Variants in MED13L observed in about 807,000 individuals in gnomAD.
MED13L encodes mediator complex subunit 13L.
Under a neutral mutation model 220.9 loss-of-function variants are expected in MED13L, and 7 were observed. That is an observed-to-expected ratio of 0.03 (90% confidence interval 0.02 to 0.06). The LOEUF is 0.06. Among genes scored for constraint, MED13L ranks in the 10% least tolerant of loss-of-function variants. The probability of loss-of-function intolerance (pLI) is 1.00; values close to 1 mark genes in which losing one functional copy is unlikely to be tolerated. For synonymous variants in MED13L, 1,011 were observed against 1,015.2 expected, an observed-to-expected ratio of 1.00 and a Z score of 0.08; for missense variants, 1,965 against 2,760.5, an observed-to-expected ratio of 0.71 and a Z score of 6.46.
chr12:116,024,293 G>T (rs1880239098), intron 4 of MED13L, among the ~76,000 whole-genome samples: 1 of 152,108 alleles, frequency 6.6e-6, no homozygotes, highest in Non-Finnish European at 1.5e-5. Context: ...GCAAGAGACT[G>T]ATATGAAAAC....
intron 2 of MED13L, among the ~76,000 whole-genome samples, chr12:116,154,677 T>C (rs915869906): frequency 1.9e-4 from 29 of 152,302 alleles, no homozygotes; most frequent in African/African-American, 5.8e-4. Context: ...AGTACCAACA[T>C]AGCATAAAAG....
intron 2 of MED13L, among the ~76,000 whole-genome samples, chr12:116,132,718 G>C (rs575432357): frequency 6.6e-6 from 1 of 152,062 alleles, no homozygotes; most frequent in Non-Finnish European, 1.5e-5. Flanking sequence ...TCAGGAGTTC[G>C]AGACCAGACT....
chr12:116,135,155 C>A (rs774558053), intron 2 of MED13L, among the ~76,000 whole-genome samples: 1 of 152,084 alleles, frequency 6.6e-6, no homozygotes. Context: ...GGCAACAGAG[C>A]GAGACCCCGT....
At chr12:116,075,910 ATTTTT>A (rs774757433) in intron 4 of MED13L, among the ~76,000 whole-genome samples, 12 of 134,238 alleles carry the variant, frequency 8.9e-5, no homozygotes, top group African/African-American at 2.0e-4. Flanking sequence ...GAGCCAGAAG[ATTTTT>A]TTTTTTTTTT....
rs538515716 is a variant in MED13L, at chr12:116,064,361, C to T, written c.479+32308G>A. ...CTGTACATACTCAGACTTAGCCAAC[C>T]GAGTATGTACAGACGTACTTTTTAA... On this transcript the variant is annotated intron_variant, in intron 4 of 30. Transcript: ENST00000281928. 1.6e-4 allele frequency among the ~76,000 whole-genome samples: 25 copies of T among 152,126 alleles called. No individual in the cohort carries two copies. In the South Asian group the frequency reaches 2.5e-3, roughly 15 times the overall value.
At chr12:116,195,425 G>C (rs533714850) in intron 2 of MED13L, among the ~76,000 whole-genome samples, 6 of 152,208 alleles carry the variant, frequency 3.9e-5, no homozygotes, top group African/African-American at 1.4e-4. Context: ...AAACAAAATA[G>C]AAACAGAAAA....
intron 2 of MED13L, among the ~76,000 whole-genome samples, chr12:116,168,533 T>C (rs1006493139): frequency 1.4e-4 from 22 of 152,194 alleles, no homozygotes; most frequent in African/African-American, 4.8e-4. Context: ...TTCTGACTCC[T>C]AGCTTAGCTT....
intron 2 of MED13L, among the ~76,000 whole-genome samples, chr12:116,209,255 G>C (rs543284288): frequency 9.9e-5 from 15 of 152,274 alleles, no homozygotes; most frequent in African/African-American, 3.1e-4. Context: ...GTACATTATA[G>C]AGACAGCTAG....
chr12:116,208,716 A>C (rs1333364495), intron 2 of MED13L, among the ~76,000 whole-genome samples: 1 of 152,254 alleles, frequency 6.6e-6, no homozygotes, highest in Non-Finnish European at 1.5e-5. Context: ...CTATAATCCC[A>C]ACACTTTGGG....
rs779677849 is a variant in MED13L at position 116,008,834 on chromosome 12, TATC to T, written c.1576_1578del (p.Asp526del). ...TTTCTGGAAGGCACGGCCATTTGCT[TATC>T]ATATTTCCTACTGCTAGACACCTCT... On this transcript the variant is annotated inframe_deletion, in exon 10 of 31. Coordinates refer to ENST00000281928, the MANE Select transcript of MED13L (RefSeq NM_015335.5). 15 of 1,613,938 alleles carry T rather than the reference TATC, an allele frequency of 9.3e-6. No individual in the cohort carries two copies. In the South Asian group the frequency reaches 1.5e-4, roughly 17 times the overall value.
intron 28 of MED13L, among the ~76,000 whole-genome samples, chr12:115,967,044 G>A (rs942928934): frequency 7.9e-5 from 12 of 151,716 alleles, no homozygotes; most frequent in Non-Finnish European, 1.3e-4. Context: ...AGTAGTGCAC[G>A]CCTGTAATCC....
At chr12:116,265,170 G>C (rs1008062137) in intron 1 of MED13L, among the ~76,000 whole-genome samples, 2 of 152,076 alleles carry the variant, frequency 1.3e-5, no homozygotes, top group African/African-American at 4.8e-5. Flanking sequence ...TCCCCTTCAA[G>C]GTTCACCACG....
At chr12:116,156,370 A>C (rs1476113821) in intron 2 of MED13L, among the ~76,000 whole-genome samples, 1 of 150,068 alleles carries the variant, frequency 6.7e-6, no homozygotes, top group Non-Finnish European at 1.5e-5. Flanking sequence ...GATTGTAGGC[A>C]GCACAGTGTA....
chr12:116,242,048 C>CTTTTTTTT (rs767214989), intron 1 of MED13L, among the ~76,000 whole-genome samples: 19 of 106,624 alleles, frequency 1.8e-4, no homozygotes, highest in South Asian at 3.5e-4. Flanking sequence ...GTTCTTTTGT[C>CTTTTTTTT]TTTTTTTTTT....
At chr12:116,242,368 C>T (rs1870739420) in intron 1 of MED13L, among the ~76,000 whole-genome samples, 1 of 152,070 alleles carries the variant, frequency 6.6e-6, no homozygotes, top group South Asian at 2.1e-4. Context: ...TTCTGACTAA[C>T]GTTTATCTCT....
chr12:116,015,014 G>T, intron 8 of MED13L, 95 bp downstream of exon 8: 1 of 1,209,868 alleles, frequency 8.3e-7, no homozygotes, highest in Non-Finnish European at 1.2e-6. Flanking sequence ...TCTCAAGTTT[G>T]GTCACACAAT....
At chr12:116,053,716 T>C (rs376868714) in intron 4 of MED13L, among the ~76,000 whole-genome samples, 10 of 152,250 alleles carry the variant, frequency 6.6e-5, no homozygotes, top group African/African-American at 2.4e-4. Flanking sequence ...ATCTGACTAA[T>C]CAAAGATTCT....
chr12:116,031,740 GAAAAGAAAAGAAAAGAAAA>G (rs1566020745), intron 4 of MED13L, among the ~76,000 whole-genome samples: 895 of 60,430 alleles, frequency 0.015, 21 homozygotes, highest in African/African-American at 0.054. Context: ...GAAAAGAAAA[GAAAAGAAAAGAAAAGAAAA>G]GAAGGAAGGA....
intron 2 of MED13L, among the ~76,000 whole-genome samples, chr12:116,212,362 T>C (rs1176878183): frequency 1.3e-5 from 2 of 151,142 alleles, no homozygotes; most frequent in Admixed American, 6.6e-5. Context: ...GGGTTGATAG[T>C]ATTATTATTT....
Sources: allele counts gnomAD v4.1 joint callset (sites outside exome capture counted in the v4.1 genomes callset), GRCh38; gene constraint gnomAD v4.1.1; transcripts MANE v1.5; gene names NCBI Gene and HGNC (gene_info 2026-07-23, HGNC 2026-07-21).